GNA14: variants seen among roughly 807,000 people sequenced by gnomAD.
The protein encoded by GNA14 is guanine nucleotide-binding protein subunit alpha-14.
In GNA14, 50 loss-of-function variants were observed where a neutral mutation model predicts 42.0. The observed-to-expected ratio is 1.19, with a 90% CI of 0.95 to 1.51. The LOEUF (loss-of-function observed/expected upper bound fraction) is 1.51. GNA14 is among the 40% of genes most tolerant of loss of function. The pLI, the probability that GNA14 is intolerant of heterozygous loss-of-function variation, is 0.00. For missense variants in GNA14, 473 were observed against 446.2 expected, an observed-to-expected ratio of 1.06 and a Z score of -0.54; for synonymous variants, 173 against 163.1, an observed-to-expected ratio of 1.06 and a Z score of -0.46.
At chr9:77,511,725 A>G (rs1587808889) in intron 2 of GNA14, among the ~76,000 whole-genome samples, 1 of 151,424 alleles carries the variant, frequency 6.6e-6, no homozygotes, top group African/African-American at 2.4e-5. Flanking sequence ...ATCTATCCCC[A>G]CCTCCATGTC....
intron 1 of GNA14, among the ~76,000 whole-genome samples, chr9:77,541,996 TA>T (rs982192242): frequency 1.3e-5 from 2 of 152,210 alleles, no homozygotes; most frequent in African/African-American, 4.8e-5. Context: ...TGAGCTTCTT[TA>T]AAATCAGTAT....
intron 1 of GNA14, among the ~76,000 whole-genome samples, chr9:77,621,517 G>A (rs147321480): frequency 6.6e-6 from 1 of 152,304 alleles, no homozygotes; most frequent in East Asian, 1.9e-4. Context: ...CCTATGTTTA[G>A]TGTCCACTCT....
At chr9:77,536,414 G>A (rs962593476) in intron 1 of GNA14, among the ~76,000 whole-genome samples, 2 of 152,130 alleles carry the variant, frequency 1.3e-5, no homozygotes, top group African/African-American at 4.8e-5. Context: ...GCAGTCACAC[G>A]ATCTTGGTTT....
At chr9:77,627,203 T>C (rs1375645937) in intron 1 of GNA14, among the ~76,000 whole-genome samples, 1 of 152,096 alleles carries the variant, frequency 6.6e-6, no homozygotes, top group Admixed American at 6.6e-5. Context: ...AATCCCTGAA[T>C]AGACTAATAA....
chr9:77,644,172 G>A (rs997441864), intron 1 of GNA14, among the ~76,000 whole-genome samples: 1 of 152,082 alleles, frequency 6.6e-6, no homozygotes. Flanking sequence ...ATCCTTATAA[G>A]AAGAGGAAGT....
chr9:77,600,890 G>A (rs1823549828), intron 1 of GNA14, among the ~76,000 whole-genome samples: 1 of 152,238 alleles, frequency 6.6e-6, no homozygotes, highest in African/African-American at 2.4e-5. Context: ...TTGCACTCCA[G>A]CCCAGGCAAC....
chr9:77,471,652 G>C (rs923909918), intron 2 of GNA14, among the ~76,000 whole-genome samples: 1 of 152,116 alleles, frequency 6.6e-6, no homozygotes, highest in East Asian at 1.9e-4. Context: ...TTTTACGGGA[G>C]ATATTCAGAA....
chr9:77,613,229 C>A (rs1175249820), intron 1 of GNA14, among the ~76,000 whole-genome samples: 1 of 152,158 alleles, frequency 6.6e-6, no homozygotes, highest in East Asian at 1.9e-4. Context: ...AAAGTTTTAA[C>A]ATATAAATTT....
intron 2 of GNA14, among the ~76,000 whole-genome samples, chr9:77,470,015 CAT>C (rs1836302437): frequency 6.6e-6 from 1 of 152,184 alleles, no homozygotes; most frequent in South Asian, 2.1e-4. Flanking sequence ...TGCTTGGACT[CAT>C]AGTGACATCA....
intron 2 of GNA14, among the ~76,000 whole-genome samples, chr9:77,493,024 A>ATATATATATATAT (rs1424877123): frequency 5.0e-4 from 37 of 73,396 alleles, no homozygotes; most frequent in Non-Finnish European, 7.3e-4. Flanking sequence ...AAAAAAAAAA[A>ATATATATATATAT]AAATATATAT....
intron 1 of GNA14, among the ~76,000 whole-genome samples, chr9:77,637,362 AG>A (rs1824198533): frequency 6.6e-6 from 1 of 152,182 alleles, no homozygotes; most frequent in African/African-American, 2.4e-5. Flanking sequence ...CACACTGAAA[AG>A]GGAAAAAAAC....
chr9:77,515,368 T>C (rs74427794), intron 2 of GNA14, among the ~76,000 whole-genome samples: 2,404 of 152,110 alleles, frequency 0.016, 71 homozygotes, highest in African/African-American at 0.054. Flanking sequence ...TGAAGGAGCA[T>C]TGTGAATACA....
Position 77,626,940 on chromosome 9 carries a change from G to A in GNA14, c.124+20730C>T, listed in dbSNP as rs183687090. On this transcript the variant is annotated intron_variant, in intron 1 of 6. Transcript: ENST00000341700. Reference sequence around the variant, plus strand: ...ACAACCCTTTAAAAAATCAATGAACGCAGGAGCTGGTTTTCTGAAAAGATT... The same window carrying A: ...ACAACCCTTTAAAAAATCAATGAACACAGGAGCTGGTTTTCTGAAAAGATT... Among the ~76,000 whole-genome samples the A allele has an allele frequency of 4.2e-3, 643 of 152,050 alleles. 1 individual carries two copies. The highest frequency in any genetic ancestry group is 0.014 in the African/African-American group (577 of 41,508).
intron 3 of GNA14, among the ~76,000 whole-genome samples, chr9:77,432,109 A>T (rs1440581213): frequency 2.5e-5 from 2 of 80,542 alleles, no homozygotes; most frequent in Non-Finnish European, 4.9e-5. Context: ...AGAATCCTTT[A>T]AAAAAAAAAA....
chr9:77,606,630 C>T (rs1462873387), intron 1 of GNA14, among the ~76,000 whole-genome samples: 1 of 152,176 alleles, frequency 6.6e-6, no homozygotes, highest in Non-Finnish European at 1.5e-5. Flanking sequence ...TTTCAGAATG[C>T]TGCCACCAAA....
chr9:77,436,281 CT>C (rs1390274023), intron 2 of GNA14, among the ~76,000 whole-genome samples: 1 of 152,134 alleles, frequency 6.6e-6, no homozygotes, highest in Non-Finnish European at 1.5e-5. Context: ...ACCCTGAGTT[CT>C]AAACAGTGTA....
chr9:77,589,808 C>G (rs1210978267), intron 1 of GNA14, among the ~76,000 whole-genome samples: 1 of 152,134 alleles, frequency 6.6e-6, no homozygotes, highest in Non-Finnish European at 1.5e-5. Context: ...CCTTGACTTC[C>G]TAAAACAACA....
intron 2 of GNA14, among the ~76,000 whole-genome samples, chr9:77,452,351 A>G (rs901393118): frequency 6.6e-6 from 1 of 152,172 alleles, no homozygotes; most frequent in Non-Finnish European, 1.5e-5. Context: ...AACAAATGGT[A>G]TCTATGGATG....
chr9:77,608,316 C>T (rs1344465056), intron 1 of GNA14, among the ~76,000 whole-genome samples: 1 of 152,172 alleles, frequency 6.6e-6, no homozygotes, highest in East Asian at 1.9e-4. Context: ...AATTTGATTT[C>T]ACAGGTTCAC....
Sources: gnomAD v4.1 joint callset for allele counts (sites outside exome capture counted in the v4.1 genomes callset) on GRCh38, gnomAD v4.1.1 for gene constraint, MANE v1.5 for transcripts, NCBI Gene and HGNC (gene_info 2026-07-23, HGNC 2026-07-21) for gene names.